TANC2: variants seen among roughly 807,000 people sequenced by gnomAD.
TANC2 encodes protein TANC2.
Under a neutral mutation model 210.5 loss-of-function variants are expected in TANC2, and 26 were observed. The ratio of observed to expected loss-of-function variants is 0.12; its 90% CI spans 0.09 to 0.17. The LOEUF (loss-of-function observed/expected upper bound fraction) is 0.17. Among genes scored for constraint, TANC2 ranks in the 10% least tolerant of loss-of-function variants. The pLI is 1.00. For missense variants in TANC2, 2,129 were observed against 2,608.9 expected, an observed-to-expected ratio of 0.82 and a Z score of 4.01; for synonymous variants, 931 against 967.1, an observed-to-expected ratio of 0.96 and a Z score of 0.69.
In TANC2 at chr17:63,106,579, G is replaced by C. The variant is rs7212556; in HGVS notation, c.322+7222G>C. On this transcript the variant is annotated intron_variant, in intron 4 of 27. Coordinates refer to ENST00000689528, the Ensembl canonical transcript of TANC2. The stretch of plus-strand genomic sequence containing the variant: ...TCTTGCTACAACTGGGCCAGGAGGC[G>C]TGAGGACAAGGCCCACGCAAGAACG... Among the ~76,000 whole-genome samples the C allele has an allele frequency of 2.6e-5, 4 of 151,346 alleles. No individual in the cohort carries two copies. The East Asian group carries it at 7.7e-4, about 29-fold the overall frequency.
intron 2 of TANC2, among the ~76,000 whole-genome samples, chr17:63,030,432 C>G (rs760583011): frequency 5.9e-5 from 9 of 152,044 alleles, no homozygotes; most frequent in Non-Finnish European, 1.3e-4. Context: ...GTTTATTGTT[C>G]TCAGGTTTGT....
intron 8 of TANC2, among the ~76,000 whole-genome samples, chr17:63,256,310 T>C (rs939770298): frequency 2.6e-5 from 4 of 152,230 alleles, no homozygotes; most frequent in African/African-American, 9.6e-5. Flanking sequence ...TCCATTTTAA[T>C]TTGTTTCAAG....
At chr17:63,255,056 ATTTTTTAT>A (rs1407056189) in intron 8 of TANC2, among the ~76,000 whole-genome samples, 36 of 141,142 alleles carry the variant, frequency 2.6e-4, no homozygotes, top group African/African-American at 5.9e-4. Flanking sequence ...GGGAATAGTT[ATTTTTTAT>A]TTATTTATTT....
At chr17:63,010,462 G>GT (rs762181388) in intron 2 of TANC2, among the ~76,000 whole-genome samples, 3,126 of 141,698 alleles carry the variant, frequency 0.022, 81 homozygotes, top group African/African-American at 0.069. Context: ...AAATATGTGG[G>GT]TTTTTTTTTT....
rs548807918 is a variant in TANC2 at position 63,176,663 on chromosome 17, G to A, written c.434-17328G>A. On this transcript the variant is annotated intron_variant, in intron 5 of 27. Transcript: ENST00000689528. The stretch of plus-strand genomic sequence containing the variant: ...TACTAAAAAATACAAAAAATTAGCC[G>A]GGTGTGGTGGCGGGCACCTGTAGTC... Among the ~76,000 whole-genome samples, 17 of 152,110 alleles carry A rather than the reference G, an allele frequency of 1.1e-4. No individual in the cohort carries two copies. The East Asian group carries it at 2.1e-3, about 19-fold the overall frequency.
In TANC2 at chr17:63,284,289, A is replaced by G. The variant is rs1336616194; in HGVS notation, c.1159+16416A>G. ...ATCTAACTTCGCATTCCTAAGAGAAAAGCTACTTGGTCATGACTTTTTAAT... is the reference window on the plus strand; with the variant it reads ...ATCTAACTTCGCATTCCTAAGAGAAGAGCTACTTGGTCATGACTTTTTAAT... On this transcript the variant is annotated intron_variant, in intron 9 of 27. Transcript: ENST00000689528. Among the ~76,000 whole-genome samples the G allele has an allele frequency of 7.9e-5, 12 of 152,114 alleles. No homozygotes were observed. The South Asian group carries it at 1.9e-3, about 24-fold the overall frequency.
At chr17:63,409,960 A>G (rs2048638042) in intron 21 of TANC2, among the ~76,000 whole-genome samples, 1 of 152,216 alleles carries the variant, frequency 6.6e-6, no homozygotes, top group Non-Finnish European at 1.5e-5. Flanking sequence ...TAATCCAAAA[A>G]TGTGAAATCC....
chr17:63,069,040 G>A (rs1317585387), intron 2 of TANC2, among the ~76,000 whole-genome samples: 2 of 152,090 alleles, frequency 1.3e-5, no homozygotes, highest in Non-Finnish European at 2.9e-5. Context: ...TGTACAACTG[G>A]TAGTGTTTTA....
At chr17:63,149,155 A>C (rs2039561518) in intron 4 of TANC2, 1 of 152,128 alleles carries the variant, frequency 6.6e-6, no homozygotes, top group Admixed American at 6.5e-5. Flanking sequence ...TCATAGATCT[A>C]AAATAACTCT....
At chr17:63,365,447 C>T (rs554424296) in intron 14 of TANC2, among the ~76,000 whole-genome samples, 1 of 152,138 alleles carries the variant, frequency 6.6e-6, no homozygotes, top group South Asian at 2.1e-4. Flanking sequence ...CTTGGTCTCC[C>T]TTCTTGCCCT....
intron 26 of TANC2, among the ~76,000 whole-genome samples, chr17:63,416,332 C>T (rs934332050): frequency 6.6e-6 from 1 of 152,148 alleles, no homozygotes; most frequent in Non-Finnish European, 1.5e-5. Flanking sequence ...ACACTCCAAG[C>T]CAAGAACCCT....
rs182607341 is a variant in TANC2, at chr17:63,106,351, T to A, written c.322+6994T>A. ...GTATAGAACTGGGCTCAATTCTGAA[T>A]ATAGTAAAGAATGTTGGGGATTTAT... On this transcript the variant is annotated intron_variant, in intron 4 of 27. Coordinates refer to ENST00000689528, the Ensembl canonical transcript of TANC2. Among the ~76,000 whole-genome samples, 7 of 151,790 alleles carry A rather than the reference T, an allele frequency of 4.6e-5. No homozygotes were observed. In the East Asian group the frequency reaches 1.3e-3, roughly 29 times the overall value.
intron 4 of TANC2, among the ~76,000 whole-genome samples, chr17:63,108,647 A>G (rs1352581736): frequency 6.6e-6 from 1 of 151,488 alleles, no homozygotes; most frequent in Non-Finnish European, 1.5e-5. Context: ...CATCTCTACT[A>G]AAAATACAAA....
In TANC2 at chr17:63,420,127, C is replaced by T. The variant is rs1202412676; in HGVS notation, c.4397C>T (p.Pro1466Leu). ...CAGATGCAGCAGCCACAGCAGCCAC[C>T]GCCGCCACCGCAGCCTCAGCAGCAG... The change falls in exon 28 of 28, where the codon CCG becomes CTG. Residue 1466 changes from proline to leucine, a missense_variant. Coordinates refer to ENST00000689528, the Ensembl canonical transcript of TANC2. This position sits in a 1 kb window ranked among gnomAD's most constrained non-coding sequence, Gnocchi z 4.2. 3.9e-6 allele frequency: 6 copies of T among 1,552,234 alleles called. No individual in the cohort carries two copies. The highest frequency in any genetic ancestry group is 5.2e-6 in the Non-Finnish European group (6 of 1,147,356).
At chr17:63,302,887 C>A (rs2044768438) in intron 9 of TANC2, among the ~76,000 whole-genome samples, 2 of 151,946 alleles carry the variant, frequency 1.3e-5, no homozygotes, top group African/African-American at 4.8e-5. Flanking sequence ...CCTCAGCCCC[C>A]CTAGTAGCTA....
intron 11 of TANC2, among the ~76,000 whole-genome samples, chr17:63,329,843 G>A (rs1452731461): frequency 6.6e-6 from 1 of 152,114 alleles, no homozygotes; most frequent in Non-Finnish European, 1.5e-5. Flanking sequence ...TGGCCTCCAA[G>A]TGTTCAAGTA....
At chr17:63,295,558 G>C (rs2044509870) in intron 9 of TANC2, among the ~76,000 whole-genome samples, 1 of 152,142 alleles carries the variant, frequency 6.6e-6, no homozygotes, top group Non-Finnish European at 1.5e-5. Flanking sequence ...CTCCACTCTG[G>C]AAAGGTCATC....
At chr17:63,033,500 C>T (rs756172362) in intron 2 of TANC2, among the ~76,000 whole-genome samples, 8 of 152,074 alleles carry the variant, frequency 5.3e-5, no homozygotes, top group Non-Finnish European at 7.4e-5. Context: ...ATAAAAGATG[C>T]CCTTATCATC....
chr17:63,347,386 G>A (rs1178927155), intron 12 of TANC2, among the ~76,000 whole-genome samples: 1 of 152,116 alleles, frequency 6.6e-6, no homozygotes, highest in Non-Finnish European at 1.5e-5. Context: ...AGATAGAAAT[G>A]TTCTAAATTT....
Sources: gnomAD v4.1 joint callset for allele counts (sites outside exome capture counted in the v4.1 genomes callset) on GRCh38, gnomAD v4.1.1 for gene constraint, Gnocchi (gnomAD v3.1) non-coding constraint, MANE v1.5 for transcripts, NCBI Gene and HGNC (gene_info 2026-07-23, HGNC 2026-07-21) for gene names.